Variants in CD2AP observed in about 807,000 individuals in gnomAD.
The protein encoded by CD2AP is CD2-associated protein.
A neutral mutation model predicts 85.1 loss-of-function variants in CD2AP; 46 were observed. That is an observed-to-expected ratio of 0.54 (90% confidence interval 0.43 to 0.69). The LOEUF is 0.69. Ranked by LOEUF, CD2AP falls within the 30% of genes least tolerant of loss-of-function variation. The pLI is 0.00. For missense variants in CD2AP, 769 were observed against 729.5 expected (o/e 1.05, Z -0.62); for synonymous variants, 255 against 252.9 (o/e 1.01, Z -0.08).
chr6:47,539,985 C>A (rs1173190665), intron 3 of CD2AP, among the ~76,000 whole-genome samples: 3 of 150,458 alleles, frequency 2.0e-5, no homozygotes, highest in African/African-American at 7.3e-5. Flanking sequence ...TCAGGACCAG[C>A]CTGAGCAACA....
chr6:47,542,012 C>G (rs146286331), intron 3 of CD2AP, among the ~76,000 whole-genome samples: 3 of 152,196 alleles, frequency 2.0e-5, no homozygotes, highest in African/African-American at 4.8e-5. Context: ...TTTCCTTGCT[C>G]TAGAATATCT....
intron 1 of CD2AP, among the ~76,000 whole-genome samples, chr6:47,489,396 G>A (rs1372506857): frequency 6.6e-6 from 1 of 151,818 alleles, no homozygotes. Context: ...GGCTGGTTTC[G>A]AACTCCTGAC....
intron 2 of CD2AP, among the ~76,000 whole-genome samples, chr6:47,515,168 G>A (rs778162633): frequency 6.6e-6 from 1 of 152,138 alleles, no homozygotes; most frequent in Non-Finnish European, 1.5e-5. Context: ...AAGATAATTA[G>A]GCAGACTACT....
intron 17 of CD2AP, among the ~76,000 whole-genome samples, chr6:47,616,325 C>T (rs977653542): frequency 5.3e-5 from 8 of 150,830 alleles, no homozygotes; most frequent in Middle Eastern, 6.9e-3. Context: ...AACTCCTGAC[C>T]TCAGGTGATC....
rs7758948 is a variant in CD2AP, at chr6:47,538,566, A to G, written c.319+4811A>G. ...TGGTGGAGAAAGAACTTTATTTTAA[A>G]AATTGACTAATTAAATAAATTTTAA... is the stretch of plus-strand genomic sequence containing the variant. On this transcript the variant is annotated intron_variant, in intron 3 of 17. Coordinates refer to ENST00000359314, the MANE Select transcript of CD2AP (RefSeq NM_012120.3). 4.8e-3 allele frequency among the ~76,000 whole-genome samples: 738 copies of G among 152,308 alleles called. 6 individuals are homozygous for G. Among genetic ancestry groups the G allele is most frequent in the African/African-American group, 0.017 (691 of 41,556 alleles).
At position 47,579,491 on chromosome 6, in the gene CD2AP, T is replaced by G. The variant is rs771076145; in HGVS notation, c.1008+2T>G. 2.6e-6 allele frequency: 4 copies of G among 1,553,706 alleles called. No homozygotes were observed. In the Admixed American group the frequency reaches 6.7e-5, roughly 26 times the overall value. ...AATGAACTTGATAAAGACTTTCCAG[T>G]AAGCTTTTGTTTTTCAATGATGATA... On this transcript the variant is annotated splice_donor_variant, in intron 9 of 17. Coordinates refer to ENST00000359314, the MANE Select transcript of CD2AP (RefSeq NM_012120.3). LOFTEE classifies it high-confidence loss of function.
At chr6:47,516,818 A>G (rs1478485380) in intron 2 of CD2AP, among the ~76,000 whole-genome samples, 1 of 152,226 alleles carries the variant, frequency 6.6e-6, no homozygotes, top group Non-Finnish European at 1.5e-5. Context: ...TAAATAGGAA[A>G]GTCATGGACA....
rs529924060 is a variant in CD2AP, at chr6:47,482,837, CCT to C, written c.4+4590_4+4591del. On this transcript the variant is annotated intron_variant, in intron 1 of 17. Transcript: ENST00000359314. ...AGAATCCTGTCAGAGAATATCTTCC[CCT>C]GTTATTAAATATATTTTGAACGATA... Among the ~76,000 whole-genome samples, 43 of 152,022 alleles carry C rather than the reference CCT, an allele frequency of 2.8e-4. 1 individual carries two copies. Among genetic ancestry groups the C allele is most frequent in the African/African-American group, 8.9e-4 (37 of 41,438 alleles).
At chr6:47,589,682 T>C (rs976458904) in intron 11 of CD2AP, among the ~76,000 whole-genome samples, 3 of 151,592 alleles carry the variant, frequency 2.0e-5, no homozygotes, top group Non-Finnish European at 4.4e-5. Context: ...AGTCTGGCAT[T>C]GGGGCTCATA....
intron 1 of CD2AP, among the ~76,000 whole-genome samples, chr6:47,499,323 G>GTC (rs1404053348): frequency 6.6e-6 from 1 of 151,752 alleles, no homozygotes; most frequent in African/African-American, 2.4e-5. Context: ...GTGTGTGTGT[G>GTC]TGTTGAATAT....
chr6:47,560,429 C>T (rs927190776), intron 5 of CD2AP, among the ~76,000 whole-genome samples: 4 of 151,978 alleles, frequency 2.6e-5, no homozygotes, highest in Admixed American at 2.6e-4. Flanking sequence ...AAGGATTATA[C>T]ATGGAATTTA....
chr6:47,588,124 TC>T (rs890779342), intron 11 of CD2AP, among the ~76,000 whole-genome samples: 4 of 152,194 alleles, frequency 2.6e-5, no homozygotes, highest in African/African-American at 9.6e-5. Flanking sequence ...ATTGTACTTC[TC>T]TCAGAATCTT....
At chr6:47,479,980 G>C (rs1014802464) in intron 1 of CD2AP, among the ~76,000 whole-genome samples, 4 of 152,018 alleles carry the variant, frequency 2.6e-5, no homozygotes, top group African/African-American at 9.7e-5. Context: ...GTGTGAGGTC[G>C]TCTCTGGAGA....
chr6:47,548,840 A>G (rs531301631), intron 4 of CD2AP, among the ~76,000 whole-genome samples: 1 of 152,324 alleles, frequency 6.6e-6, no homozygotes, highest in South Asian at 2.1e-4. Flanking sequence ...CAACATATCA[A>G]AAAGATAATA....
chr6:47,586,341 C>G (rs1768629576), intron 11 of CD2AP, among the ~76,000 whole-genome samples: 1 of 151,952 alleles, frequency 6.6e-6, no homozygotes, highest in Non-Finnish European at 1.5e-5. Flanking sequence ...AACTTGAAGA[C>G]ATAGCAAATA....
intron 5 of CD2AP, among the ~76,000 whole-genome samples, chr6:47,567,306 C>T (rs191155837): frequency 5.4e-4 from 82 of 152,090 alleles, no homozygotes; most frequent in Admixed American, 1.4e-3. Flanking sequence ...ATTCCAAAAT[C>T]TGAAATTTAA....
intron 11 of CD2AP, among the ~76,000 whole-genome samples, chr6:47,585,666 G>A (rs9296567): frequency 0.22 from 33,662 of 152,026 alleles, 3,910 homozygotes; most frequent in Non-Finnish European, 0.27. Flanking sequence ...ACTGCACAGC[G>A]AGTACTCAGA....
At chr6:47,584,392 A>G (rs1768562645) in intron 11 of CD2AP, among the ~76,000 whole-genome samples, 1 of 150,768 alleles carries the variant, frequency 6.6e-6, no homozygotes, top group Non-Finnish European at 1.5e-5. Flanking sequence ...AATTTTTGTG[A>G]AAGTTGTAAG....
At chr6:47,501,239 A>G (rs1367387851) in intron 1 of CD2AP, among the ~76,000 whole-genome samples, 3 of 152,182 alleles carry the variant, frequency 2.0e-5, no homozygotes, top group Admixed American at 6.5e-5. Context: ...AAATAAAAAT[A>G]AAAAGAATTC....
Sources: allele counts gnomAD v4.1 joint callset (sites outside exome capture counted in the v4.1 genomes callset), GRCh38; gene constraint gnomAD v4.1.1; transcripts MANE v1.5; gene names NCBI Gene and HGNC (gene_info 2026-07-23, HGNC 2026-07-21).